The following ME2 variants were observed in gnomAD, a reference collection of about 807,000 sequenced individuals.
The protein encoded by ME2 is NAD-dependent malic enzyme, mitochondrial.
A neutral mutation model predicts 73.7 loss-of-function variants in ME2; 60 were observed. The ratio of observed to expected loss-of-function variants is 0.81; its 90% CI spans 0.66 to 1.01. ME2 has a LOEUF of 1.01. Ranked by LOEUF, ME2 falls within the 50% of genes least tolerant of loss-of-function variation. The probability of loss-of-function intolerance (pLI) is 0.00; values close to 1 mark genes in which losing one functional copy is unlikely to be tolerated. For synonymous variants in ME2, 199 were observed against 236.9 expected (o/e 0.84, Z 1.47); for missense variants, 594 against 705.5 (o/e 0.84, Z 1.79).
chr18:50,891,774 C>T (rs1399102166), intron 1 of ME2, among the ~76,000 whole-genome samples: 2 of 151,322 alleles, frequency 1.3e-5, no homozygotes, highest in Admixed American at 6.6e-5. Flanking sequence ...AGACCCATTA[C>T]TCCATGACAC....
intron 1 of ME2, among the ~76,000 whole-genome samples, chr18:50,894,750 G>A (rs549552962): frequency 3.8e-4 from 57 of 150,728 alleles, no homozygotes; most frequent in African/African-American, 1.1e-3. Flanking sequence ...GGTGGCGGGC[G>A]CCTGTAGTCC....
chr18:50,913,022 A>G, intron 4 of ME2, 72 bp downstream of exon 4: 1 of 1,310,522 alleles, frequency 7.6e-7, no homozygotes, highest in Admixed American at 2.7e-5. Flanking sequence ...AACACCCATT[A>G]CATTTCTATT....
intron 9 of ME2, 59 bp downstream of exon 9, chr18:50,920,817 G>C: frequency 7.7e-7 from 1 of 1,302,964 alleles, no homozygotes; most frequent in Non-Finnish European, 1.1e-6. Context: ...ATTAGAAAAT[G>C]GGCAGAATAT....
Position 50,910,452 on chromosome 18 carries a change from A to G in ME2, c.242+2256A>G, listed in dbSNP as rs545484953. ...AGACCCTGTCTCAGAAAAAAAAAAA[A>G]AAAAAGAAAAAGGCTAAACAAGAGC... On this transcript the variant is annotated intron_variant, in intron 3 of 15. Coordinates refer to ENST00000321341, the MANE Select transcript of ME2 (RefSeq NM_002396.5). Among the ~76,000 whole-genome samples the G allele has an allele frequency of 8.6e-5, 13 of 151,640 alleles. No homozygotes were observed. In the East Asian group the frequency reaches 1.4e-3, roughly 16 times the overall value.
At chr18:50,883,000 TC>T (rs1330112733) in intron 1 of ME2, among the ~76,000 whole-genome samples, 1 of 152,166 alleles carries the variant, frequency 6.6e-6, no homozygotes, top group East Asian at 1.9e-4. Context: ...CCTGATCCTT[TC>T]CTTAAAAAAG....
intron 2 of ME2, among the ~76,000 whole-genome samples, chr18:50,905,549 T>TG (rs1282267384): frequency 6.6e-6 from 1 of 152,158 alleles, no homozygotes; most frequent in Non-Finnish European, 1.5e-5. Flanking sequence ...CCCCAGGTTG[T>TG]GGGGGCACAG....
At chr18:50,891,016 A>G (rs537990615) in intron 1 of ME2, among the ~76,000 whole-genome samples, 6 of 152,314 alleles carry the variant, frequency 3.9e-5, no homozygotes, top group African/African-American at 1.4e-4. Flanking sequence ...ACCTGTGTAG[A>G]CTGCAGAATT....
rs372957830 is a variant in ME2, at chr18:50,925,742, C to G, written c.1172-14C>G. The G allele has an allele frequency of 1.2e-5, 19 of 1,612,300 alleles. No individual in the cohort carries two copies. Among genetic ancestry groups the G allele is most frequent in the Non-Finnish European group, 1.6e-5 (19 of 1,179,070 alleles). On this transcript the variant is annotated splice_polypyrimidine_tract_variant and intron_variant, in intron 11 of 15. Transcript: ENST00000321341. The stretch of plus-strand genomic sequence containing the variant: ...TATAATGAAGTTGCTGTTTTTCCCC[C>G]TTACTTATTACAGGAGTTGCAGGTG...
intron 2 of ME2, among the ~76,000 whole-genome samples, chr18:50,905,405 A>G (rs1916995705): frequency 6.6e-6 from 1 of 151,978 alleles, no homozygotes; most frequent in African/African-American, 2.4e-5. Context: ...CCTCTGGTAA[A>G]TTTTTCATTT....
At chr18:50,939,222 TA>T (rs1257570793) in intron 13 of ME2, 9 of 160,866 alleles carry the variant, frequency 5.6e-5, no homozygotes, top group Middle Eastern at 2.7e-3. Flanking sequence ...AACAATCAGC[TA>T]AAAAAAATTG....
rs1171450644 is a variant in ME2, at chr18:50,916,201, T to C, written c.426T>C (p.His142=). 1.2e-6 allele frequency: 2 copies of C among 1,612,716 alleles called. No homozygotes were observed. Among genetic ancestry groups the C allele is most frequent in the African/African-American group, 2.7e-5 (2 of 74,996 alleles). Residue 142 remains histidine, a synonymous_variant, in exon 5 of 16, where the codon CAT becomes CAC. Transcript: ENST00000321341. The part of the protein sequence containing the change: ...GLFISISDRG[H]VRSIVDNWPE... ...TTATTTCGATCTCAGACAGAGGTCA[T>C]GTTAGATCAATTGTGGATAACTGGC...
At chr18:50,932,789 G>A (rs1917729271) in intron 13 of ME2, 1 of 154,166 alleles carries the variant, frequency 6.5e-6, no homozygotes, top group Non-Finnish European at 1.4e-5. Flanking sequence ...CCGAGTATCT[G>A]GGACTACAGG....
chr18:50,940,150 T>G, intron 14 of ME2, 138 bp from the exon 15 acceptor site: 1 of 676,116 alleles, frequency 1.5e-6, no homozygotes. Context: ...TCTGCAGTGG[T>G]TTAAGTGTAT....
chr18:50,882,444 T>G (rs1294969203), intron 1 of ME2, among the ~76,000 whole-genome samples: 1 of 152,188 alleles, frequency 6.6e-6, no homozygotes, highest in Admixed American at 6.5e-5. Flanking sequence ...ACACTATTAA[T>G]AATATGTATA....
Position 50,923,983 on chromosome 18 carries a change from A to G in ME2, c.1057-115A>G, listed in dbSNP as rs910103784. The stretch of plus-strand genomic sequence containing the variant: ...TATGGGTTGAAGAGGAAAGTAAATG[A>G]AAATGAAAAGACATTTCTATTGTAG... On this transcript the variant is annotated intron_variant, in intron 10 of 15. Transcript: ENST00000321341. The G allele has an allele frequency of 1.3e-5, 8 of 639,062 alleles. No individual in the cohort carries two copies. In the African/African-American group the frequency reaches 1.5e-4, roughly 12 times the overall value. The allele number at this position is 639,062 out of a possible 1,614,324, so 39.6% of individuals were successfully genotyped here.
At chr18:50,928,036 C>T (rs529681780) in intron 12 of ME2, among the ~76,000 whole-genome samples, 24 of 151,676 alleles carry the variant, frequency 1.6e-4, no homozygotes, top group African/African-American at 4.6e-4. Context: ...CCAGGCTGGT[C>T]TCAAATTGCT....
chr18:50,942,776 A>G, intron 15 of ME2: 1 of 285,874 alleles, frequency 3.5e-6, no homozygotes, highest in Non-Finnish European at 6.4e-6. Context: ...ATTTTTATGA[A>G]TTTACTTGAT....
intron 1 of ME2, among the ~76,000 whole-genome samples, chr18:50,888,074 G>T (rs1034651841): frequency 6.6e-6 from 1 of 152,194 alleles, no homozygotes; most frequent in Admixed American, 6.5e-5. Flanking sequence ...AGGCTCAGTG[G>T]CTCACGCCTG....
intron 1 of ME2, among the ~76,000 whole-genome samples, 170 bp downstream of exon 1, chr18:50,879,478 C>T (rs954989623): frequency 3.9e-5 from 6 of 152,140 alleles, no homozygotes; most frequent in Admixed American, 3.3e-4. Flanking sequence ...AAGCGGTCTG[C>T]GGAGTCCGGG....
Sources: gnomAD v4.1 joint callset for allele counts (sites outside exome capture counted in the v4.1 genomes callset) on GRCh38, gnomAD v4.1.1 for gene constraint, MANE v1.5 for transcripts, NCBI Gene and HGNC (gene_info 2026-07-23, HGNC 2026-07-21) for gene names.